GGPS1: variants seen among roughly 807,000 people sequenced by gnomAD.
GGPS1 encodes the protein geranylgeranyl diphosphate synthase 1, also known as geranylgeranyl pyrophosphate synthase.
In GGPS1, 15 loss-of-function variants were observed where a neutral mutation model predicts 28.1. The ratio of observed to expected loss-of-function variants is 0.53; its 90% CI spans 0.36 to 0.82. GGPS1 has a LOEUF of 0.82. Ranked by LOEUF, GGPS1 falls within the 40% of genes least tolerant of loss-of-function variation. GGPS1 has a pLI of 0.01. For synonymous variants in GGPS1, 138 were observed against 122.4 expected (o/e 1.13, Z -0.84); for missense variants, 284 against 348.3 (o/e 0.82, Z 1.47).
rs376933183 is a variant in GGPS1 at position 235,341,971 on chromosome 1, G to A, written c.142-40G>A. 2.3e-4 allele frequency: 288 copies of A among 1,264,412 alleles called. 3 individuals are homozygous for A. Among genetic ancestry groups the A allele is most frequent in the South Asian group, 1.6e-3 (112 of 68,772 alleles). 78.3% of individuals were successfully genotyped at this position (1,264,412 alleles called of 1,614,324 possible). A position where few individuals can be genotyped will look rare whatever the true frequency, so the allele number is the denominator to read the frequency against. On this transcript the variant is annotated intron_variant, in intron 3 of 3. Transcript: ENST00000282841. ...CTGTTAATTAAACTGAGTAAGTTTT[G>A]AATAGTTCAAATAAGTGAAATTTTC... is the stretch of plus-strand genomic sequence containing the variant.
Position 235,344,208 on chromosome 1 carries a change from G to T in GGPS1, c.*1436G>T, listed in dbSNP as rs1676139442. The T allele has an allele frequency of 6.1e-6, 1 of 162,944 alleles. No homozygotes were observed. Among genetic ancestry groups the T allele is most frequent in the Admixed American group, 6.7e-5 (1 of 14,924 alleles). The allele number at this position is 162,944 out of a possible 1,614,324, so 10.1% of individuals were successfully genotyped here. A position where few individuals can be genotyped will look rare whatever the true frequency, so the allele number is the denominator to read the frequency against. Reference sequence around the variant, plus strand: ...ATTTGATTTGTTGACATCCCAAAATGAAAGTTTTATGTTTCCCTTAGAAAC... The same window carrying T: ...ATTTGATTTGTTGACATCCCAAAATTAAAGTTTTATGTTTCCCTTAGAAAC... On this transcript the variant is annotated 3_prime_UTR_variant, in exon 4 of 4. Coordinates refer to ENST00000282841, the MANE Select transcript of GGPS1 (RefSeq NM_004837.4).
intron 2 of GGPS1, among the ~76,000 whole-genome samples, chr1:235,336,297 A>G (rs1675860620): frequency 6.6e-6 from 1 of 152,244 alleles, no homozygotes; most frequent in South Asian, 2.1e-4. Context: ...AGGCTGAGGC[A>G]GGAGAATCAC....
rs764828996 is a variant in GGPS1 at position 235,342,518 on chromosome 1, A to G, written c.649A>G (p.Thr217Ala). 1.2e-6 allele frequency: 2 copies of G among 1,613,758 alleles called. No individual in the cohort carries two copies. The highest frequency in any genetic ancestry group is 1.7e-6 in the Non-Finnish European group (2 of 1,179,744). Residue 217 changes from threonine (T) to alanine (A), a missense_variant, in exon 4 of 4, where the codon ACT becomes GCT. Physicochemically the swap from Thr to Ala is moderately conservative, Grantham distance 58 (BLOSUM62 0). Transcript: ENST00000282841. Reference sequence around the variant, plus strand: ...GACAGAGGGAAAGTTCTCATTTCCTACTATTCATGCTATTTGGTCAAGGCC... The same window carrying G: ...GACAGAGGGAAAGTTCTCATTTCCTGCTATTCATGCTATTTGGTCAAGGCC... ...DLTEGKFSFP[T>A]IHAIWSRPES...
rs1047558785 is a variant in GGPS1, at chr1:235,328,771, G to C, written c.-31G>C. ...GCGGCGTGAAAGTCGTGATATCATC[G>C]TTGAACTGTGAGCGGCAGTGGCGGC... On this transcript the variant is annotated 5_prime_UTR_variant, in exon 1 of 4. Transcript: ENST00000282841. The C allele has an allele frequency of 6.6e-6, 1 of 152,486 alleles. No homozygotes were observed. The highest frequency in any genetic ancestry group is 2.4e-5 in the African/African-American group (1 of 41,278). The allele number at this position is 152,486 out of a possible 1,614,324, so 9.4% of individuals were successfully genotyped here.
rs112155157 is a variant in GGPS1 at position 235,333,567 on chromosome 1, C to CAA, written c.-23-1664_-23-1663dup. On this transcript the variant is annotated intron_variant, in intron 1 of 3. Coordinates refer to ENST00000282841, the MANE Select transcript of GGPS1 (RefSeq NM_004837.4). The stretch of plus-strand genomic sequence containing the variant: ...CTGGGCAACGAGCAAAACTCCGTCT[C>CAA]AAAAAAAAAAAACAAAAGGACCTTT... Among the ~76,000 whole-genome samples the CAA allele has an allele frequency of 3.5e-3, 457 of 130,258 alleles. 3 individuals are homozygous for CAA. Among genetic ancestry groups the CAA allele is most frequent in the Middle Eastern group, 7.9e-3 (2 of 252 alleles). 85.5% of individuals were successfully genotyped at this position (130,258 alleles called of 152,430 possible). A position where few individuals can be genotyped will look rare whatever the true frequency, so the allele number is the denominator to read the frequency against.
In GGPS1 at chr1:235,342,839, T is replaced by TA. The variant is rs1676095320; in HGVS notation, c.*68dup. On this transcript the variant is annotated 3_prime_UTR_variant, in exon 4 of 4. Transcript: ENST00000282841. ...TAATCTTTTTTTTGTCTTTTAGCCTTACCACCTTTTAAAAAATTTGTTATT... is the reference window on the plus strand; with the variant it reads ...TAATCTTTTTTTTGTCTTTTAGCCTTAACCACCTTTTAAAAAATTTGTTATT... 1 of 1,111,284 alleles carries TA rather than the reference T, an allele frequency of 9.0e-7. No homozygotes were observed. Among genetic ancestry groups the TA allele is most frequent in the Non-Finnish European group, 1.3e-6 (1 of 775,832 alleles). The allele number at this position is 1,111,284 out of a possible 1,614,324, so 68.8% of individuals were successfully genotyped here.
chr1:235,340,714 C>A (rs1220090993), intron 2 of GGPS1, among the ~76,000 whole-genome samples: 2 of 109,752 alleles, frequency 1.8e-5, no homozygotes, highest in Admixed American at 1.4e-4. Context: ...CCAGCCTGGG[C>A]GACAGAGCGA....
At position 235,332,105 on chromosome 1, in the gene GGPS1, A is replaced by G. The variant is rs536225474; in HGVS notation, c.-23-3137A>G. ...TACTTGTATAAATTTATGGGGTGCA[A>G]GTGTAGTTTTATCACATGCATAGAT... On this transcript the variant is annotated intron_variant, in intron 1 of 3. Transcript: ENST00000282841. Among the ~76,000 whole-genome samples, 3 of 152,220 alleles carry G rather than the reference A, an allele frequency of 2.0e-5. No individual in the cohort carries two copies. The South Asian group carries it at 6.2e-4, about 32-fold the overall frequency.
chr1:235,339,301 GA>G (rs1004370505), intron 2 of GGPS1, among the ~76,000 whole-genome samples: 1 of 150,652 alleles, frequency 6.6e-6, no homozygotes, highest in African/African-American at 2.4e-5. Flanking sequence ...CTCGATCTCA[GA>G]AAAAAAATAC....
chr1:235,338,455 T>C (rs989257558), intron 2 of GGPS1, among the ~76,000 whole-genome samples: 1 of 152,110 alleles, frequency 6.6e-6, no homozygotes, highest in Non-Finnish European at 1.5e-5. Flanking sequence ...GAAAAAAATA[T>C]TAAAACTGTA....
At chr1:235,338,885 C>T (rs1041778333) in intron 2 of GGPS1, among the ~76,000 whole-genome samples, 3 of 151,712 alleles carry the variant, frequency 2.0e-5, no homozygotes, top group Non-Finnish European at 2.9e-5. Context: ...AATAATAGGC[C>T]GGGCGTGGTG....
At chr1:235,340,959 T>C (rs1002647317) in intron 2 of GGPS1, among the ~76,000 whole-genome samples, 1 of 152,178 alleles carries the variant, frequency 6.6e-6, no homozygotes, top group Non-Finnish European at 1.5e-5. Context: ...GGTATTTTTA[T>C]GAGGTAATAG....
chr1:235,340,857 C>A (rs1187313409), intron 2 of GGPS1, among the ~76,000 whole-genome samples: 2 of 151,554 alleles, frequency 1.3e-5, no homozygotes, highest in Admixed American at 6.6e-5. Flanking sequence ...GGGAATACTT[C>A]AGTGCATGAT....
At chr1:235,340,601 T>A (rs1304330297) in intron 2 of GGPS1, among the ~76,000 whole-genome samples, 1 of 150,128 alleles carries the variant, frequency 6.7e-6, no homozygotes, top group Non-Finnish European at 1.5e-5. Flanking sequence ...CCGGGCGTGG[T>A]AGCGGGCGCC....
chr1:235,331,001 TCTTA>T (rs763400254), intron 1 of GGPS1, among the ~76,000 whole-genome samples: 4 of 152,236 alleles, frequency 2.6e-5, no homozygotes, highest in African/African-American at 9.6e-5. Flanking sequence ...CATCTTCTTT[TCTTA>T]CTTCAATCCC....
At chr1:235,340,951 T>C (rs1325564678) in intron 2 of GGPS1, among the ~76,000 whole-genome samples, 1 of 152,106 alleles carries the variant, frequency 6.6e-6, no homozygotes, top group Non-Finnish European at 1.5e-5. Flanking sequence ...TTTCAAGAGG[T>C]ATTTTTATGA....
chr1:235,333,754 C>T (rs1231283298), intron 1 of GGPS1, among the ~76,000 whole-genome samples: 1 of 152,050 alleles, frequency 6.6e-6, no homozygotes, highest in Non-Finnish European at 1.5e-5. Context: ...TGATGTGCAA[C>T]TCATTGAACA....
intron 2 of GGPS1, among the ~76,000 whole-genome samples, chr1:235,337,816 C>CAA (rs112819918): frequency 4.7e-5 from 6 of 127,776 alleles, no homozygotes; most frequent in African/African-American, 1.4e-4. Context: ...GACACTGTCT[C>CAA]AAAAAAAAAA....
rs1353758569 is a variant in GGPS1, at chr1:235,328,780, T to C, written c.-24+2T>C. Reference sequence around the variant, plus strand: ...AAGTCGTGATATCATCGTTGAACTGTGAGCGGCAGTGGCGGCGGCTGGGGG... The same window carrying C: ...AAGTCGTGATATCATCGTTGAACTGCGAGCGGCAGTGGCGGCGGCTGGGGG... On this transcript the variant is annotated splice_donor_variant, in intron 1 of 3. Transcript: ENST00000282841. LOFTEE classifies it low-confidence loss of function (5UTR_SPLICE). 1 of 141,350 alleles carries C rather than the reference T, an allele frequency of 7.1e-6. No homozygotes were observed. Among genetic ancestry groups the C allele is most frequent in the Non-Finnish European group, 1.5e-5 (1 of 65,958 alleles). 8.8% of individuals were successfully genotyped at this position (141,350 alleles called of 1,614,324 possible).
Sources: gnomAD v4.1 joint callset for allele counts (sites outside exome capture counted in the v4.1 genomes callset) on GRCh38, gnomAD v4.1.1 for gene constraint, MANE v1.5 for transcripts, NCBI Gene and HGNC (gene_info 2026-07-23, HGNC 2026-07-21) for gene names.